PDE1C: variants seen among roughly 807,000 people sequenced by gnomAD.
PDE1C encodes the protein dual specificity calcium/calmodulin-dependent 3',5'-cyclic nucleotide phosphodiesterase 1C.
A neutral mutation model predicts 93.1 loss-of-function variants in PDE1C; 62 were observed. That is an observed-to-expected ratio of 0.67 (90% CI 0.54 to 0.82). The LOEUF (loss-of-function observed/expected upper bound fraction) is 0.82, where lower values mean the gene tolerates loss of function less well. Among genes scored for constraint, PDE1C ranks in the 40% least tolerant of loss-of-function variants. The pLI is 0.00. For missense variants in PDE1C, 742 were observed against 884.6 expected (o/e 0.84, Z 2.04); for synonymous variants, 325 against 310.1 (o/e 1.05, Z -0.50).
At chr7:31,835,296 A>T (rs977318499) in intron 11 of PDE1C, among the ~76,000 whole-genome samples, 1 of 152,156 alleles carries the variant, frequency 6.6e-6, no homozygotes. Flanking sequence ...TTTGGAGAAC[A>T]TCCTCCTACT....
chr7:32,028,857 C>G (rs1006438646), intron 2 of PDE1C, among the ~76,000 whole-genome samples: 2 of 152,072 alleles, frequency 1.3e-5, no homozygotes, highest in East Asian at 1.9e-4. Flanking sequence ...TCCCTTCCCC[C>G]CAGCCTCTGT....
intron 16 of PDE1C, among the ~76,000 whole-genome samples, chr7:31,804,819 T>C (rs1786593166): frequency 6.6e-6 from 1 of 151,786 alleles, no homozygotes. Flanking sequence ...AGGTGGCTAT[T>C]AAGTGACAGG....
At chr7:32,002,021 TA>T (rs1272506030) in intron 2 of PDE1C, among the ~76,000 whole-genome samples, 2 of 152,110 alleles carry the variant, frequency 1.3e-5, no homozygotes, top group Non-Finnish European at 2.9e-5. Context: ...ATCGTGCCAC[TA>T]CACTCCAGCC....
At chr7:32,072,243 CA>C (rs1341577222), upstream of PDE1C, among the ~76,000 whole-genome samples, 1 of 152,188 alleles carries the variant, frequency 6.6e-6, no homozygotes, top group Non-Finnish European at 1.5e-5. Flanking sequence ...CAAGGTAAGA[CA>C]AAAGACCTGT....
chr7:31,774,528 T>C (rs10270278), intron 17 of PDE1C, among the ~76,000 whole-genome samples: 5,749 of 152,258 alleles, frequency 0.038, 184 homozygotes, highest in Non-Finnish European at 0.057. Context: ...TCTTACTTAG[T>C]GGAATCTATG....
At position 31,865,178 on chromosome 7, in the gene PDE1C, G is replaced by C. The variant is rs140345105; in HGVS notation, c.610-96C>G. The C allele has an allele frequency of 2.8e-4, 334 of 1,183,726 alleles. 1 individual carries two copies. In the African/African-American group the frequency reaches 4.7e-3, roughly 17 times the overall value. 73.3% of individuals were successfully genotyped at this position (1,183,726 alleles called of 1,614,324 possible). ...CACCAGGACTGCTTTTTCTCTGAAG[G>C]CATAACACATGAGGAAATTGGAACT... On this transcript the variant is annotated intron_variant, in intron 6 of 17. Transcript: ENST00000396191.
chr7:32,220,308 C>T (rs1806754153), intron 1 of PDE1C, among the ~76,000 whole-genome samples: 1 of 152,220 alleles, frequency 6.6e-6, no homozygotes, highest in Admixed American at 6.5e-5. Context: ...CCAGTAGGAA[C>T]TTTATGCCCA....
chr7:32,258,935 GAGCTGCTGGGAAGATTGAA>G (rs1156270672), intron 1 of PDE1C, among the ~76,000 whole-genome samples: 2 of 152,154 alleles, frequency 1.3e-5, no homozygotes, highest in African/African-American at 4.8e-5. Flanking sequence ...CTGCCTCTTG[GAGCTGCTGGGAAGATTGAA>G]AGAGGGAATG....
the PDE1C span, among the ~76,000 whole-genome samples, chr7:31,620,441 T>C: frequency 6.6e-6 from 1 of 151,552 alleles, no homozygotes; most frequent in Non-Finnish European, 1.5e-5. Context: ...ACAGCAGCAT[T>C]CGAGATTCAC....
intron 9 of PDE1C, among the ~76,000 whole-genome samples, chr7:31,846,813 T>G (rs1792686152): frequency 6.6e-6 from 1 of 152,182 alleles, no homozygotes; most frequent in African/African-American, 2.4e-5. Flanking sequence ...TGAATTGCTC[T>G]GCATTTTTCA....
At chr7:32,032,820 G>A (rs1790514389) in intron 2 of PDE1C, among the ~76,000 whole-genome samples, 1 of 152,092 alleles carries the variant, frequency 6.6e-6, no homozygotes, top group East Asian at 1.9e-4. Context: ...AGCTCTGCGG[G>A]ATCAGAATCC....
chr7:32,256,770 T>C (rs900099750), intron 1 of PDE1C, among the ~76,000 whole-genome samples: 22 of 152,220 alleles, frequency 1.4e-4, no homozygotes, highest in Non-Finnish European at 1.2e-4. Flanking sequence ...GGCAATAACA[T>C]CTATTCTACC....
chr7:32,028,017 C>G lies in PDE1C; in HGVS notation c.128+23537G>C, dbSNP rs1406938606. ...ATAAACAGGATGATGCAAAATCAAT[C>G]CTGGCTCACTGCCAGTCTTCCTCCT... On this transcript the variant is annotated intron_variant, in intron 2 of 17. Transcript: ENST00000396191. Among the ~76,000 whole-genome samples the G allele has an allele frequency of 2.6e-5, 4 of 152,232 alleles. No homozygotes were observed. In the East Asian group the frequency reaches 5.8e-4, roughly 22 times the overall value.
At chr7:32,126,665 C>T (rs1278357079) in intron 3 of PDE1C, among the ~76,000 whole-genome samples, 5 of 151,758 alleles carry the variant, frequency 3.3e-5, no homozygotes, top group Non-Finnish European at 1.5e-5. Flanking sequence ...ATTTGTCATC[C>T]CCAATATCAT....
intron 2 of PDE1C, among the ~76,000 whole-genome samples, chr7:31,895,991 T>TTACTTACATACATACATACA (rs1554399931): frequency 2.0e-5 from 3 of 148,486 alleles, no homozygotes; most frequent in Non-Finnish European, 3.0e-5. Context: ...ACACTCTCCC[T>TTACTTACATACATACATACA]TACATACATA....
intron 16 of PDE1C, among the ~76,000 whole-genome samples, chr7:31,782,452 T>C (rs1249481039): frequency 6.6e-6 from 1 of 152,174 alleles, no homozygotes; most frequent in African/African-American, 2.4e-5. Flanking sequence ...AAGAAAAAAA[T>C]TAAAAATATG....
intron 1 of PDE1C, among the ~76,000 whole-genome samples, chr7:32,356,296 A>G (rs1057240493): frequency 5.9e-5 from 9 of 152,212 alleles, no homozygotes; most frequent in Non-Finnish European, 1.5e-5. Flanking sequence ...TTTTTCAGCA[A>G]CATAGTGTTT....
At chr7:32,205,559 G>A (rs1805376183) in intron 2 of PDE1C, among the ~76,000 whole-genome samples, 1 of 151,848 alleles carries the variant, frequency 6.6e-6, no homozygotes, top group African/African-American at 2.4e-5. Flanking sequence ...GGACCAATCA[G>A]CAGGATGTGG....
chr7:32,409,350 G>A (rs1015377268), intron 1 of PDE1C, among the ~76,000 whole-genome samples: 6 of 152,070 alleles, frequency 3.9e-5, no homozygotes, highest in Admixed American at 3.9e-4. Context: ...AGCAGACAGA[G>A]ACCCTGTCTC....
Sources: allele counts gnomAD v4.1 joint callset (sites outside exome capture counted in the v4.1 genomes callset), GRCh38; gene constraint gnomAD v4.1.1; transcripts MANE v1.5; gene names NCBI Gene and HGNC (gene_info 2026-07-23, HGNC 2026-07-21).